SEM1: variants seen among roughly 807,000 people sequenced by gnomAD.
The protein encoded by SEM1 is SEM1 26S proteasome subunit, also known as 26S proteasome complex subunit SEM1.
A neutral mutation model predicts 12.7 loss-of-function variants in SEM1; 3 were observed. That is an observed-to-expected ratio of 0.24 (90% CI 0.11 to 0.61). The LOEUF is 0.61. SEM1 is among the 20% of genes least tolerant of loss of function. SEM1 has a pLI of 0.88. For synonymous variants in SEM1, 30 were observed against 27.8 expected, an observed-to-expected ratio of 1.08 and a Z score of -0.25; for missense variants, 59 against 81.3, an observed-to-expected ratio of 0.73 and a Z score of 1.06.
intron 2 of SEM1, among the ~76,000 whole-genome samples, chr7:96,597,007 G>C (rs1301483915): frequency 1.3e-5 from 2 of 152,142 alleles, no homozygotes; most frequent in Non-Finnish European, 2.9e-5. Flanking sequence ...ACTGAAGCTG[G>C]TATTGTAACA....
intron 1 of SEM1, among the ~76,000 whole-genome samples, chr7:96,704,771 C>T (rs982296719): frequency 1.3e-5 from 2 of 152,152 alleles, no homozygotes; most frequent in African/African-American, 4.8e-5. Flanking sequence ...AACTGACTAG[C>T]ATGGTGTGTG....
chr7:96,531,607 A>G (rs1278039896), intron 2 of SEM1, among the ~76,000 whole-genome samples: 1 of 5,916 alleles, frequency 1.7e-4, no homozygotes, highest in African/African-American at 1.9e-4. Context: ...CTCTGTGTGG[A>G]AAAAAAAAAA....
At chr7:96,656,829 G>A (rs940154789) in intron 2 of SEM1, among the ~76,000 whole-genome samples, 3 of 147,842 alleles carry the variant, frequency 2.0e-5, no homozygotes, top group African/African-American at 5.0e-5. Context: ...GTTGAAGAGT[G>A]CATGTTAAAA....
exon 4 of SEM1, chr7:96,482,354 T>C (rs1802573834): frequency 6.6e-6 from 1 of 152,158 alleles, no homozygotes; most frequent in Non-Finnish European, 1.5e-5. Flanking sequence ...TGTGGGTGAT[T>C]GTGGTATGTG....
intron 2 of SEM1, among the ~76,000 whole-genome samples, chr7:96,662,679 A>C (rs1337895801): frequency 6.6e-6 from 1 of 152,194 alleles, no homozygotes; most frequent in Non-Finnish European, 1.5e-5. Flanking sequence ...CAGAACTTAA[A>C]GTGAAATAAA....
chr7:96,587,394 C>T (rs183743798), intron 2 of SEM1, among the ~76,000 whole-genome samples: 35 of 152,272 alleles, frequency 2.3e-4, no homozygotes, highest in South Asian at 1.2e-3. Context: ...CTTGATTTTG[C>T]GCTGTCAGTT....
chr7:96,653,639 T>C (rs1429582667), intron 2 of SEM1: 1 of 152,206 alleles, frequency 6.6e-6, no homozygotes, highest in Non-Finnish European at 1.5e-5. Flanking sequence ...AGTCCAATAA[T>C]GCCACGTACT....
intron 1 of SEM1, among the ~76,000 whole-genome samples, chr7:96,702,442 G>T (rs946813919): frequency 2.0e-5 from 3 of 152,202 alleles, no homozygotes; most frequent in African/African-American, 7.2e-5. Context: ...AATACACCTT[G>T]TGCCAGAATG....
intron 2 of SEM1, among the ~76,000 whole-genome samples, chr7:96,624,410 G>A (rs1015563970): frequency 1.3e-5 from 2 of 152,226 alleles, no homozygotes; most frequent in Non-Finnish European, 2.9e-5. Flanking sequence ...TAGTGTAGTG[G>A]GTCAAGTGGG....
chr7:96,618,206 A>G (rs974757203), downstream of SEM1, among the ~76,000 whole-genome samples: 1 of 152,092 alleles, frequency 6.6e-6, no homozygotes. Flanking sequence ...CAATCTCGCT[A>G]TTTATTGTTG....
At chr7:96,598,938 GATAAAC>G (rs1440570751) in intron 2 of SEM1, among the ~76,000 whole-genome samples, 32 of 152,206 alleles carry the variant, frequency 2.1e-4, no homozygotes, top group African/African-American at 7.7e-4. Flanking sequence ...GAGGTTTGTG[GATAAAC>G]ATAAAGTATT....
intron 2 of SEM1, among the ~76,000 whole-genome samples, chr7:96,554,414 G>T (rs886761146): frequency 1.3e-4 from 18 of 139,062 alleles, no homozygotes; most frequent in Admixed American, 3.0e-4. Context: ...AAGGGTTGTT[G>T]TATTTTGTCA....
At chr7:96,679,223 G>A (rs1286189439) in intron 2 of SEM1, among the ~76,000 whole-genome samples, 2 of 151,928 alleles carry the variant, frequency 1.3e-5, no homozygotes, top group Non-Finnish European at 2.9e-5. Flanking sequence ...CATTGTAGTG[G>A]CCTTATTAGC....
At chr7:96,554,595 T>C (rs956212740) in intron 2 of SEM1, among the ~76,000 whole-genome samples, 3 of 151,496 alleles carry the variant, frequency 2.0e-5, no homozygotes, top group Non-Finnish European at 4.4e-5. Flanking sequence ...GGATTCATTT[T>C]GCCAGTATTT....
chr7:96,573,801 T>A (rs1009236242), intron 2 of SEM1, among the ~76,000 whole-genome samples: 1 of 152,198 alleles, frequency 6.6e-6, no homozygotes, highest in African/African-American at 2.4e-5. Context: ...TGAATTTGAA[T>A]GTTGGTCTGT....
chr7:96,493,807 C>G (rs1803126640), intron 1 of SEM1, among the ~76,000 whole-genome samples: 1 of 152,178 alleles, frequency 6.6e-6, no homozygotes, highest in Non-Finnish European at 1.5e-5. Flanking sequence ...ATAAACCAAG[C>G]TATTTCCCCA....
intron 2 of SEM1, among the ~76,000 whole-genome samples, chr7:96,567,990 G>C (rs1017050663): frequency 8.0e-5 from 12 of 150,910 alleles, no homozygotes; most frequent in Non-Finnish European, 4.5e-5. Context: ...GTCAAGTTTT[G>C]ATATAATTAT....
chr7:96,586,544 C>G (rs1435857015), intron 2 of SEM1, among the ~76,000 whole-genome samples: 3 of 152,166 alleles, frequency 2.0e-5, no homozygotes, highest in African/African-American at 7.2e-5. Flanking sequence ...ATCATACTTA[C>G]ATTTGACCAT....
chr7:96,535,566 G>A (rs1804762571), intron 2 of SEM1, among the ~76,000 whole-genome samples: 1 of 151,626 alleles, frequency 6.6e-6, no homozygotes, highest in Admixed American at 6.6e-5. Flanking sequence ...CATCACCCAG[G>A]CACTAAGCAT....
Sources: gnomAD v4.1 joint callset for allele counts (sites outside exome capture counted in the v4.1 genomes callset) on GRCh38, gnomAD v4.1.1 for gene constraint, MANE v1.5 for transcripts, NCBI Gene and HGNC (gene_info 2026-07-23, HGNC 2026-07-21) for gene names.